The following ZBTB20 variants were observed in gnomAD, a reference collection of about 807,000 sequenced individuals.
The protein encoded by ZBTB20 is zinc finger and BTB domain containing 20, also known as zinc finger and BTB domain-containing protein 20.
A neutral mutation model predicts 56.9 loss-of-function variants in ZBTB20; 9 were observed. The observed-to-expected ratio is 0.16, with a 90% confidence interval of 0.10 to 0.28. The LOEUF is 0.28. Ranked by LOEUF, ZBTB20 falls within the 10% of genes least tolerant of loss-of-function variation. The pLI is 1.00. For synonymous variants in ZBTB20, 417 were observed against 420.7 expected (o/e 0.99, Z 0.11); for missense variants, 655 against 1,003.0 (o/e 0.65, Z 4.69).
intron 6 of ZBTB20, among the ~76,000 whole-genome samples, chr3:114,514,836 C>T (rs145859753): frequency 6.6e-6 from 1 of 152,228 alleles, no homozygotes; most frequent in Non-Finnish European, 1.5e-5. Flanking sequence ...AGAGGGAAAC[C>T]TCAGCACACT....
At chr3:114,810,929 A>C (rs1033475336) in intron 4 of ZBTB20, among the ~76,000 whole-genome samples, 2 of 152,104 alleles carry the variant, frequency 1.3e-5, no homozygotes, top group Admixed American at 6.6e-5. Context: ...GGGGATTAAG[A>C]ATTTCTAGGG....
At chr3:114,340,141 G>A (rs576082161) in intron 11 of ZBTB20, among the ~76,000 whole-genome samples, 2 of 152,048 alleles carry the variant, frequency 1.3e-5, no homozygotes, top group African/African-American at 2.4e-5. Flanking sequence ...CTGAGTAGGC[G>A]GTGGGCAACA....
At chr3:115,081,559 T>A (rs889679516) in intron 1 of ZBTB20, among the ~76,000 whole-genome samples, 13 of 152,096 alleles carry the variant, frequency 8.5e-5, no homozygotes, top group Admixed American at 7.9e-4. Context: ...ATATTTAGAT[T>A]TATACTATAA....
chr3:115,130,206 T>C (rs1178062180), intron 1 of ZBTB20, among the ~76,000 whole-genome samples: 1 of 152,200 alleles, frequency 6.6e-6, no homozygotes, highest in Non-Finnish European at 1.5e-5. Flanking sequence ...CTAGGGTTTT[T>C]TTCATCTAAT....
At chr3:114,677,797 CT>C (rs2061720013) in intron 6 of ZBTB20, among the ~76,000 whole-genome samples, 1 of 152,112 alleles carries the variant, frequency 6.6e-6, no homozygotes, top group Non-Finnish European at 1.5e-5. Flanking sequence ...ATTTCATTTA[CT>C]ATCATTTTCT....
chr3:114,435,932 G>C (rs1036816137), intron 7 of ZBTB20, among the ~76,000 whole-genome samples: 28 of 152,094 alleles, frequency 1.8e-4, no homozygotes, highest in African/African-American at 6.3e-4. Flanking sequence ...CCAGCTGTGA[G>C]TCAGCTTGAA....
At chr3:115,134,787 T>C (rs760671735) in intron 1 of ZBTB20, among the ~76,000 whole-genome samples, 10 of 152,194 alleles carry the variant, frequency 6.6e-5, no homozygotes, top group Admixed American at 3.3e-4. Context: ...TGAATTGCTA[T>C]TTTTCGCTAA....
At chr3:114,583,862 A>G (rs1464136188) in intron 6 of ZBTB20, among the ~76,000 whole-genome samples, 1 of 152,210 alleles carries the variant, frequency 6.6e-6, no homozygotes, top group African/African-American at 2.4e-5. Context: ...ATAAAGCTTT[A>G]AAAAATGTAA....
intron 1 of ZBTB20, among the ~76,000 whole-genome samples, chr3:115,101,990 A>G (rs564101196): frequency 6.6e-6 from 1 of 152,346 alleles, no homozygotes; most frequent in Non-Finnish European, 1.5e-5. Context: ...AAGAATGTCA[A>G]ATAAATTTTG....
chr3:114,816,058 C>T (rs1247541548), intron 4 of ZBTB20, among the ~76,000 whole-genome samples: 1 of 152,142 alleles, frequency 6.6e-6, no homozygotes, highest in African/African-American at 2.4e-5. Flanking sequence ...AGGAGCTATC[C>T]TCTTTCTGTG....
intron 1 of ZBTB20, among the ~76,000 whole-genome samples, chr3:115,083,956 T>G (rs755196503): frequency 2.0e-5 from 3 of 152,006 alleles, no homozygotes; most frequent in Non-Finnish European, 4.4e-5. Flanking sequence ...TTAGTATTAT[T>G]CAACATGCTC....
chr3:114,636,168 C>G (rs1429537007), intron 6 of ZBTB20, among the ~76,000 whole-genome samples: 1 of 152,042 alleles, frequency 6.6e-6, no homozygotes, highest in Non-Finnish European at 1.5e-5. Flanking sequence ...AACCTGTCAA[C>G]CAAGAACGCT....
At position 114,964,244 on chromosome 3, in the gene ZBTB20, G is replaced by C. The variant is rs909675277; in HGVS notation, c.-456+10122C>G. Among the ~76,000 whole-genome samples, 58 of 151,912 alleles carry C rather than the reference G, an allele frequency of 3.8e-4. 1 individual carries two copies. The highest frequency in any genetic ancestry group is 1.4e-3 in the African/African-American group (58 of 41,314). On this transcript the variant is annotated intron_variant, in intron 3 of 11. Coordinates refer to ENST00000675478, the MANE Select transcript of ZBTB20 (RefSeq NM_001348800.3). ...AGCCTGGTCAACATGGTGAAACCCCGTCTCTACCAAAAATACAAAAATTAG... is the reference window on the plus strand; with the variant it reads ...AGCCTGGTCAACATGGTGAAACCCCCTCTCTACCAAAAATACAAAAATTAG...
At chr3:115,139,914 A>G (rs987844864) in intron 1 of ZBTB20, among the ~76,000 whole-genome samples, 2 of 152,082 alleles carry the variant, frequency 1.3e-5, no homozygotes, top group Admixed American at 6.6e-5. Context: ...TTAATATCAT[A>G]TATCTATACT....
rs2079153751 is a variant in ZBTB20 at position 114,329,124 on chromosome 3, G to C, written c.*9881C>G. On this transcript the variant is annotated 3_prime_UTR_variant, in exon 12 of 12. Transcript: ENST00000675478. ...GTGAATACAAGGCTTCACAACTGAA[G>C]AGCATTGCAGGGAGCTTGGCTAAGG... The C allele has an allele frequency of 6.6e-6, 1 of 152,166 alleles. No homozygotes were observed. The highest frequency in any genetic ancestry group is 2.1e-4 in the South Asian group (1 of 4,826). 9.4% of individuals were successfully genotyped at this position (152,166 alleles called of 1,614,324 possible).
chr3:114,495,245 A>C (rs2043154146), intron 7 of ZBTB20, among the ~76,000 whole-genome samples: 1 of 152,242 alleles, frequency 6.6e-6, no homozygotes, highest in Non-Finnish European at 1.5e-5. Context: ...TATTCTTTGT[A>C]CATAGCATGT....
At chr3:114,941,538 G>A (rs1188227512) in intron 3 of ZBTB20, among the ~76,000 whole-genome samples, 2 of 146,142 alleles carry the variant, frequency 1.4e-5, no homozygotes, top group East Asian at 1.9e-4. Flanking sequence ...CAATTGAGAT[G>A]TTAGAAAAAA....
intron 6 of ZBTB20, among the ~76,000 whole-genome samples, chr3:114,531,910 G>A (rs1198283462): frequency 1.3e-5 from 2 of 152,162 alleles, no homozygotes; most frequent in East Asian, 1.9e-4. Context: ...TCCGTTAGCC[G>A]AGAAAGCCGC....
intron 4 of ZBTB20, among the ~76,000 whole-genome samples, chr3:114,818,246 AC>A (rs1324979313): frequency 6.6e-6 from 1 of 152,154 alleles, no homozygotes; most frequent in Admixed American, 6.5e-5. Context: ...ATTGTGAATC[AC>A]CATTTTACAT....
Sources: gnomAD v4.1 joint callset for allele counts (sites outside exome capture counted in the v4.1 genomes callset) on GRCh38, gnomAD v4.1.1 for gene constraint, MANE v1.5 for transcripts, NCBI Gene and HGNC (gene_info 2026-07-23, HGNC 2026-07-21) for gene names.